Variants in DAAM2 observed in about 807,000 individuals in gnomAD.
DAAM2 encodes the protein disheveled-associated activator of morphogenesis 2.
Under a neutral mutation model 120.7 loss-of-function variants are expected in DAAM2, and 39 were observed. That is an observed-to-expected ratio of 0.32 (90% confidence interval 0.25 to 0.42). The LOEUF (loss-of-function observed/expected upper bound fraction) is 0.42. DAAM2 is among the 10% of genes least tolerant of loss of function. The pLI is 1.00. For synonymous variants in DAAM2, 488 were observed against 524.9 expected (o/e 0.93, Z 0.96); for missense variants, 1,283 against 1,401.7 (o/e 0.92, Z 1.35).
In DAAM2 at chr6:39,901,667, T is replaced by A; in HGVS notation, c.2983-146T>A. ...AGAGTGGTGTGAAGCTGGGGGCCTG[T>A]ATGTCCTAGGCAGGAAGAAAGTGGG... On this transcript the variant is annotated intron_variant, in intron 24 of 24. Coordinates refer to ENST00000274867, the MANE Select transcript of DAAM2 (RefSeq NM_001201427.2). This position sits in a 1 kb window ranked among gnomAD's most constrained non-coding sequence, Gnocchi z 4.5. 1 of 965,680 alleles carries A rather than the reference T, an allele frequency of 1.0e-6. No homozygotes were observed. Among genetic ancestry groups the A allele is most frequent in the Non-Finnish European group, 1.5e-6 (1 of 670,752 alleles). The allele number at this position is 965,680 out of a possible 1,614,324, so 59.8% of individuals were successfully genotyped here.
In DAAM2 at chr6:39,891,090, T is replaced by TAA. The variant is rs11321886; in HGVS notation, c.2146-237_2146-236dup. On this transcript the variant is annotated intron_variant, in intron 17 of 24. Transcript: ENST00000274867. ...CCTGATTGACAGAGTGAGACCCTAT[T>TAA]AAAAAAAAAAAAAAAGAAAGAAATA... Among the ~76,000 whole-genome samples, 655 of 138,602 alleles carry TAA rather than the reference T, an allele frequency of 4.7e-3. 8 individuals are homozygous for TAA. The highest frequency in any genetic ancestry group is 0.015 in the African/African-American group (538 of 37,058). 90.9% of individuals were successfully genotyped at this position (138,602 alleles called of 152,430 possible).
chr6:39,794,729 G>A (rs1201695620), intron 1 of DAAM2, among the ~76,000 whole-genome samples: 1 of 152,122 alleles, frequency 6.6e-6, no homozygotes, highest in Admixed American at 6.5e-5. Flanking sequence ...CTTGGATCCA[G>A]GTGTAAAGAA....
chr6:39,885,588 G>A (rs3003939), intron 15 of DAAM2: 85,295 of 152,112 alleles, frequency 0.56, 24,352 homozygotes, highest in East Asian at 0.78. Context: ...CCAGCTTGGT[G>A]AGTTGAGAAG....
intron 1 of DAAM2, among the ~76,000 whole-genome samples, chr6:39,808,221 A>C (rs1762064897): frequency 6.6e-6 from 1 of 152,130 alleles, no homozygotes; most frequent in African/African-American, 2.4e-5. Context: ...CCTAATAGAA[A>C]CCAAACAGCA....
chr6:39,867,442 G>A, intron 5 of DAAM2, 68 bp from the exon 6 acceptor site: 10 of 1,486,136 alleles, frequency 6.7e-6, no homozygotes, highest in Non-Finnish European at 8.4e-6. Flanking sequence ...AGGTAAGGGG[G>A]TAACTATTTG....
chr6:39,891,754 G>A (rs1477338612), intron 19 of DAAM2, 32 bp downstream of exon 19: 1 of 1,551,296 alleles, frequency 6.4e-7, no homozygotes, highest in Non-Finnish European at 8.8e-7. Context: ...GGCTTAGAGT[G>A]GAGAGTTATC....
intron 1 of DAAM2, among the ~76,000 whole-genome samples, chr6:39,846,230 C>T (rs1424252492): frequency 2.0e-5 from 3 of 151,996 alleles, no homozygotes; most frequent in South Asian, 2.1e-4. Flanking sequence ...AAGAGCAGTG[C>T]CGGGCATACA....
chr6:39,817,312 G>A (rs1018965758), intron 1 of DAAM2, among the ~76,000 whole-genome samples: 3 of 152,184 alleles, frequency 2.0e-5, no homozygotes, highest in African/African-American at 7.2e-5. Flanking sequence ...GAGCACTTCA[G>A]TCAGTAAAAG....
chr6:39,872,809 C>T (rs1024032223), intron 9 of DAAM2, among the ~76,000 whole-genome samples: 3 of 127,114 alleles, frequency 2.4e-5, no homozygotes, highest in Non-Finnish European at 5.0e-5. Context: ...TACTTTGAAT[C>T]CTCTATGCCC....
chr6:39,901,221 G>T lies in DAAM2; in HGVS notation c.2812-81G>T. The T allele has an allele frequency of 7.2e-7, 1 of 1,382,408 alleles. No individual in the cohort carries two copies. The allele number at this position is 1,382,408 out of a possible 1,614,324, so 85.6% of individuals were successfully genotyped here. ...CAGCCTTGCGCTGGGCTCTGCTCTG[G>T]CTAGAACCCAGCTAACCTCAGGGGC... On this transcript the variant is annotated intron_variant, in intron 23 of 24. Coordinates refer to ENST00000274867, the MANE Select transcript of DAAM2 (RefSeq NM_001201427.2). This position sits in a 1 kb window ranked among gnomAD's most constrained non-coding sequence, Gnocchi z 4.5.
chr6:39,805,560 T>TA (rs1275573424), intron 1 of DAAM2, among the ~76,000 whole-genome samples: 7 of 148,650 alleles, frequency 4.7e-5, no homozygotes, highest in African/African-American at 1.7e-4. Context: ...TAAGGTTATT[T>TA]TTTTTTTTTT....
intron 1 of DAAM2, among the ~76,000 whole-genome samples, chr6:39,810,471 C>T (rs1762129574): frequency 1.3e-5 from 2 of 152,220 alleles, no homozygotes; most frequent in African/African-American, 4.8e-5. Context: ...TCCCAGACCC[C>T]TGGTTGCTGT....
chr6:39,831,837 G>A (rs1321682905), intron 1 of DAAM2, among the ~76,000 whole-genome samples: 1 of 76,042 alleles, frequency 1.3e-5, no homozygotes, highest in Non-Finnish European at 2.6e-5. Flanking sequence ...GCACTGGGGG[G>A]TAGGTGCACT....
chr6:39,888,710 G>A lies in DAAM2; in HGVS notation c.2092G>A (p.Ala698Thr). 2 of 1,613,346 alleles carry A rather than the reference G, an allele frequency of 1.2e-6. No homozygotes were observed. Among genetic ancestry groups the A allele is most frequent in the Non-Finnish European group, 1.7e-6 (2 of 1,179,500 alleles). ...GCTTTCTAACGAGGAGATCCGGCAGGCCATCTTGAAGATGGATGAGCAGGA... is the reference window on the plus strand; with the variant it reads ...GCTTTCTAACGAGGAGATCCGGCAGACCATCTTGAAGATGGATGAGCAGGA... ...LKLSNEEIRQ[A>T]ILKMDEQEDL... is the part of the protein sequence containing the mutation. The change falls in exon 17 of 25, where the codon GCC becomes ACC. Residue 698 changes from alanine to threonine, a missense_variant. By Grantham distance (58) the Ala-to-Thr change is moderately conservative (BLOSUM62 0). Coordinates refer to ENST00000274867, the MANE Select transcript of DAAM2 (RefSeq NM_001201427.2).
chr6:39,891,574 A>G (rs1756045342), intron 18 of DAAM2, 60 bp from the exon 19 acceptor site: 1 of 1,546,220 alleles, frequency 6.5e-7, no homozygotes, highest in South Asian at 1.2e-5. Flanking sequence ...TGGCTCCGGG[A>G]GCTGGGGCTG....
rs1764188361 is a variant in DAAM2 at position 39,861,026 on chromosome 6, T to C, written c.258+9T>C. On this transcript the variant is annotated intron_variant, in intron 3 of 24. Coordinates refer to ENST00000274867, the MANE Select transcript of DAAM2 (RefSeq NM_001201427.2). ...ACTGCAGCAAGAAGAAGGTGCCCTC[T>C]CTGACCCCTCTGGCCACATCTCAGG... 6.2e-7 allele frequency: 1 copy of C among 1,600,964 alleles called. No individual in the cohort carries two copies. The highest frequency in any genetic ancestry group is 8.5e-7 in the Non-Finnish European group (1 of 1,172,774).
At chr6:39,875,494 G>A in intron 11 of DAAM2, 26 bp downstream of exon 11, 1 of 1,603,872 alleles carries the variant, frequency 6.2e-7, no homozygotes, top group Non-Finnish European at 8.5e-7. Flanking sequence ...CCTTTGCCCT[G>A]TCTTCCTCCA....
chr6:39,824,891 G>T (rs772036182), intron 1 of DAAM2, among the ~76,000 whole-genome samples: 1 of 152,188 alleles, frequency 6.6e-6, no homozygotes, highest in Non-Finnish European at 1.5e-5. Context: ...GAATAGCAGG[G>T]GGAGACACAA....
chr6:39,898,529 C>A (rs866030197), intron 21 of DAAM2, among the ~76,000 whole-genome samples: 13 of 152,192 alleles, frequency 8.5e-5, no homozygotes, highest in African/African-American at 2.9e-4. Flanking sequence ...CTATTGCTTG[C>A]AGGATCACAT....
Sources: allele counts gnomAD v4.1 joint callset (sites outside exome capture counted in the v4.1 genomes callset), GRCh38; gene constraint gnomAD v4.1.1; non-coding constraint Gnocchi (gnomAD v3.1); transcripts MANE v1.5; gene names NCBI Gene and HGNC (gene_info 2026-07-23, HGNC 2026-07-21).